TACC1: variants seen among roughly 807,000 people sequenced by gnomAD.
TACC1 encodes transforming acidic coiled-coil containing protein 1.
A neutral mutation model predicts 84.4 loss-of-function variants in TACC1; 48 were observed. The observed-to-expected ratio is 0.57, with a 90% CI of 0.45 to 0.72. TACC1 has a LOEUF of 0.72. Ranked by LOEUF, TACC1 falls within the 30% of genes least tolerant of loss-of-function variation. TACC1 has a pLI of 0.00. For synonymous variants in TACC1, 372 were observed against 376.3 expected (o/e 0.99, Z 0.13); for missense variants, 920 against 973.0 (o/e 0.95, Z 0.72).
chr8:38,851,421 A>C lies in TACC1; in HGVS notation c.*3398A>C, dbSNP rs1475820913. On this transcript the variant is annotated 3_prime_UTR_variant, in exon 13 of 13. Transcript: ENST00000317827. ...GGCTGGGTAAAAGCAGCTGGAGTGA[A>C]GCACTCATTTTCCATAAAGGTAACA... is the stretch of plus-strand genomic sequence containing the variant. The C allele has an allele frequency of 6.5e-6, 1 of 154,586 alleles. No individual in the cohort carries two copies. The highest frequency in any genetic ancestry group is 6.3e-5 in the Admixed American group (1 of 15,762). 9.6% of individuals were successfully genotyped at this position (154,586 alleles called of 1,614,324 possible).
chr8:38,822,323 C>A (rs1336933770), intron 3 of TACC1, among the ~76,000 whole-genome samples: 1 of 148,924 alleles, frequency 6.7e-6, no homozygotes. Context: ...CATATCTAAG[C>A]ATAGAAAAGG....
intron 2 of TACC1, among the ~76,000 whole-genome samples, chr8:38,789,043 A>G (rs1818013177): frequency 6.6e-6 from 1 of 152,162 alleles, no homozygotes; most frequent in African/African-American, 2.4e-5. Flanking sequence ...TCATTATCAA[A>G]CATTCCTACT....
chr8:38,792,579 C>G (rs1818936490), intron 2 of TACC1, among the ~76,000 whole-genome samples: 1 of 152,176 alleles, frequency 6.6e-6, no homozygotes, highest in African/African-American at 2.4e-5. Flanking sequence ...CATTCTTCTG[C>G]CTCAGCCTCC....
intron 2 of TACC1, among the ~76,000 whole-genome samples, chr8:38,816,717 C>T (rs936517959): frequency 1.3e-5 from 2 of 152,200 alleles, no homozygotes; most frequent in Non-Finnish European, 2.9e-5. Flanking sequence ...TGCAGAGCTT[C>T]CACTCCCTCT....
chr8:38,787,717 A>G lies in TACC1; in HGVS notation c.135A>G (p.Gln45=). 1 of 1,547,218 alleles carries G rather than the reference A, an allele frequency of 6.5e-7. No individual in the cohort carries two copies. The highest frequency in any genetic ancestry group is 1.7e-4 in the Middle Eastern group (1 of 5,938). Residue 45 remains glutamine, a synonymous_variant, in exon 1 of 13, where the codon CAA becomes CAG. Coordinates refer to ENST00000317827, the MANE Select transcript of TACC1 (RefSeq NM_006283.3). ...GCGACCCCGAGGAGGAGGATTCGCA[A>G]GCCGAGACCAAATCCTTGAGTTTCA... ...PEGDPEEEDS[Q]AETKSLSFSS...
rs1022209194 is a variant in TACC1 at position 38,760,005 on chromosome 8, T to C, written c.26+14512T>C. Among the ~76,000 whole-genome samples, 4 of 152,014 alleles carry C rather than the reference T, an allele frequency of 2.6e-5. No individual in the cohort carries two copies. In the South Asian group the frequency reaches 8.3e-4, roughly 32 times the overall value. ...CAAGGAAGTTCTCCTACTGAGGCTG[T>C]AGCCTTTTCAAAATCTATTGTTCTT... On this transcript the variant is annotated intron_variant, in intron 3 of 14. Coordinates refer to the TACC1 transcript ENST00000518415.
intron 3 of TACC1, among the ~76,000 whole-genome samples, chr8:38,750,430 T>G (rs1169578474): frequency 6.6e-6 from 1 of 152,234 alleles, no homozygotes; most frequent in Non-Finnish European, 1.5e-5. Flanking sequence ...GCTCTCATCA[T>G]TTTTATTTAA....
In TACC1 at chr8:38,767,927, G is replaced by T. The variant is rs144909843; in HGVS notation, c.27-20777G>T. On this transcript the variant is annotated intron_variant, in intron 3 of 14. Transcript: ENST00000518415. ...AAATAATTTTTTTAAAAATTAGCCA[G>T]ATGTGTTGTCGGCGCCTGTGGTCCC... 8.1e-4 allele frequency among the ~76,000 whole-genome samples: 124 copies of T among 152,236 alleles called. 2 individuals are homozygous for T. Among genetic ancestry groups the T allele is most frequent in the African/African-American group, 2.9e-3 (121 of 41,538 alleles).
At chr8:38,795,024 T>C (rs185074061) in intron 2 of TACC1, among the ~76,000 whole-genome samples, 13 of 152,378 alleles carry the variant, frequency 8.5e-5, no homozygotes, top group African/African-American at 2.6e-4. Context: ...TACTTTGTTT[T>C]TTCATGTATT....
At chr8:38,839,330 G>T in intron 8 of TACC1, 1 of 396,088 alleles carries the variant, frequency 2.5e-6, no homozygotes, top group South Asian at 1.3e-4. Context: ...CTTTTAGAAA[G>T]GAGAGTTATG....
At chr8:38,818,775 A>G (rs1587961319) in intron 2 of TACC1, among the ~76,000 whole-genome samples, 1 of 147,796 alleles carries the variant, frequency 6.8e-6, no homozygotes, top group Admixed American at 6.7e-5. Context: ...CTGTGGATAC[A>G]TGGCTTTTTT....
chr8:38,837,793 G>A (rs754677813), intron 7 of TACC1, among the ~76,000 whole-genome samples: 16 of 152,214 alleles, frequency 1.1e-4, no homozygotes, highest in Non-Finnish European at 2.2e-4. Context: ...TACAGTAAGA[G>A]GCTGCCCATG....
intron 2 of TACC1, among the ~76,000 whole-genome samples, chr8:38,811,126 A>G (rs1481347727): frequency 6.6e-6 from 1 of 152,106 alleles, no homozygotes; most frequent in Non-Finnish European, 1.5e-5. Context: ...TCTAAAATAA[A>G]TAAAGTATAA....
At chr8:38,823,034 C>T (rs1297209625) in intron 3 of TACC1, among the ~76,000 whole-genome samples, 1 of 152,184 alleles carries the variant, frequency 6.6e-6, no homozygotes, top group African/African-American at 2.4e-5. Flanking sequence ...TGTGTTTGTA[C>T]TTGTCACTGT....
chr8:38,781,466 CT>C (rs2151945470), intron 3 of TACC1, among the ~76,000 whole-genome samples: 1 of 151,442 alleles, frequency 6.6e-6, no homozygotes, highest in South Asian at 2.1e-4. Context: ...ACTGCAACTT[CT>C]GCCTCCTGGG....
intron 3 of TACC1, among the ~76,000 whole-genome samples, chr8:38,776,687 G>A (rs1814859115): frequency 6.6e-6 from 1 of 152,210 alleles, no homozygotes; most frequent in South Asian, 2.1e-4. Context: ...CCACTGTGGT[G>A]TCATGTTGAC....
intron 9 of TACC1, among the ~76,000 whole-genome samples, chr8:38,842,068 C>T (rs1002152310): frequency 1.3e-5 from 2 of 152,094 alleles, no homozygotes; most frequent in African/African-American, 4.8e-5. Flanking sequence ...ACTCTCTGTA[C>T]AGTAACAGCC....
chr8:38,787,503 T>G lies in TACC1; in HGVS notation c.-80T>G. 7.0e-7 allele frequency: 1 copy of G among 1,422,394 alleles called. No homozygotes were observed. The highest frequency in any genetic ancestry group is 9.2e-7 in the Non-Finnish European group (1 of 1,092,158). 88.1% of individuals were successfully genotyped at this position (1,422,394 alleles called of 1,614,324 possible). On this transcript the variant is annotated 5_prime_UTR_variant, in exon 1 of 13. Transcript: ENST00000317827. ...ACGCTTGCTGGCGCCTGTCACCGGT[T>G]CCCTCCATTTTGAAAGGGAAAAAGG...
In TACC1 at chr8:38,851,909, G is replaced by C; in HGVS notation, c.*3886G>C. ...AAATACTTTAATAAAGAAGTATTTCGAGGAGATATCTGTCCAAAAAGGTTT... is the reference window on the plus strand; with the variant it reads ...AAATACTTTAATAAAGAAGTATTTCCAGGAGATATCTGTCCAAAAAGGTTT... On this transcript the variant is annotated 3_prime_UTR_variant, in exon 13 of 13. Coordinates refer to ENST00000317827, the MANE Select transcript of TACC1 (RefSeq NM_006283.3). 6.6e-6 allele frequency: 3 copies of C among 455,248 alleles called. No homozygotes were observed. 28.2% of individuals were successfully genotyped at this position (455,248 alleles called of 1,614,324 possible).
Sources: allele counts gnomAD v4.1 joint callset (sites outside exome capture counted in the v4.1 genomes callset), GRCh38; gene constraint gnomAD v4.1.1; transcripts MANE v1.5; gene names NCBI Gene and HGNC (gene_info 2026-07-23, HGNC 2026-07-21).